Variants in CSMD1 observed in about 807,000 individuals in gnomAD.
CSMD1 encodes CUB and sushi domain-containing protein 1.
CSMD1 carries 213 observed loss-of-function variants against 417.5 expected under a neutral mutation model. That is an observed-to-expected ratio of 0.51 (90% CI 0.46 to 0.57). The LOEUF (loss-of-function observed/expected upper bound fraction) is 0.57. Among genes scored for constraint, CSMD1 ranks in the 20% least tolerant of loss-of-function variants. The pLI is 0.00. For missense variants in CSMD1, 6,923 were observed against 4,529.7 expected (o/e 1.53, Z -15.17); for synonymous variants, 2,862 against 1,736.8 (o/e 1.65, Z -16.11).
intron 3 of CSMD1, among the ~76,000 whole-genome samples, chr8:4,343,468 C>G (rs765017593): frequency 1.3e-5 from 2 of 152,084 alleles, no homozygotes; most frequent in Non-Finnish European, 2.9e-5. Flanking sequence ...TGTTACTTAG[C>G]TTGATCATGG....
intron 3 of CSMD1, among the ~76,000 whole-genome samples, chr8:4,200,216 T>G (rs182073305): frequency 6.6e-6 from 1 of 152,296 alleles, no homozygotes; most frequent in East Asian, 1.9e-4. Flanking sequence ...GTTATGAAAT[T>G]CTGGCCAGCA....
intron 3 of CSMD1, among the ~76,000 whole-genome samples, chr8:4,112,812 T>C (rs187331424): frequency 8.5e-5 from 13 of 152,320 alleles, no homozygotes; most frequent in Non-Finnish European, 1.6e-4. Flanking sequence ...GACATAACTT[T>C]TGTTTATGGC....
intron 50 of CSMD1, among the ~76,000 whole-genome samples, chr8:3,034,620 G>T (rs909364430): frequency 6.6e-6 from 1 of 151,956 alleles, no homozygotes; most frequent in Admixed American, 6.6e-5. Flanking sequence ...AAATGCAAAA[G>T]GTTATAAAAA....
At chr8:3,908,856 G>A (rs145877348) in intron 5 of CSMD1, among the ~76,000 whole-genome samples, 17 of 152,298 alleles carry the variant, frequency 1.1e-4, no homozygotes, top group African/African-American at 3.9e-4. Context: ...CTTCTCAAAT[G>A]TTACTGTGAG....
intron 5 of CSMD1, among the ~76,000 whole-genome samples, chr8:3,783,006 C>G (rs1295896370): frequency 1.3e-5 from 2 of 152,156 alleles, no homozygotes; most frequent in East Asian, 3.9e-4. Context: ...GCACAACGTC[C>G]TATAGCACAT....
chr8:3,683,706 C>G (rs1230753264), intron 7 of CSMD1, among the ~76,000 whole-genome samples: 1 of 152,130 alleles, frequency 6.6e-6, no homozygotes. Flanking sequence ...CAGAAAGAGG[C>G]TCAAGCTCCT....
chr8:3,028,015 C>A (rs563350559), intron 51 of CSMD1, among the ~76,000 whole-genome samples: 3 of 152,286 alleles, frequency 2.0e-5, no homozygotes, highest in South Asian at 2.1e-4. Flanking sequence ...CCATTTGGCA[C>A]GGCCCTGCTC....
At chr8:3,803,165 G>C (rs963163416) in intron 5 of CSMD1, among the ~76,000 whole-genome samples, 1 of 152,110 alleles carries the variant, frequency 6.6e-6, no homozygotes, top group African/African-American at 2.4e-5. Context: ...TAATCATGCT[G>C]AAAGCAATAT....
At position 3,097,230 on chromosome 8, in the gene CSMD1, T is replaced by C. The variant is rs73183520; in HGVS notation, c.6950-193A>G. ...TAATCATGAGAATTGTGCATCTTTC[T>C]CTTTGCAGTTCTCTACACTCAGCCT... is the stretch of plus-strand genomic sequence containing the variant. On this transcript the variant is annotated intron_variant, in intron 46 of 69. Coordinates refer to ENST00000635120, the MANE Select transcript of CSMD1 (RefSeq NM_033225.6). 6.0e-3 allele frequency among the ~76,000 whole-genome samples: 921 copies of C among 152,280 alleles called. 4 individuals carry two copies. The highest frequency in any genetic ancestry group is 9.9e-3 in the Non-Finnish European group (671 of 68,028).
intron 8 of CSMD1, among the ~76,000 whole-genome samples, chr8:3,597,721 CAA>C (rs987534670): frequency 2.6e-4 from 39 of 151,964 alleles, no homozygotes; most frequent in African/African-American, 9.4e-4. Context: ...TCATTCTCAG[CAA>C]AGTAACACAA....
At chr8:3,463,461 G>T (rs982346347) in intron 12 of CSMD1, among the ~76,000 whole-genome samples, 1 of 152,190 alleles carries the variant, frequency 6.6e-6, no homozygotes, top group Non-Finnish European at 1.5e-5. Context: ...GTAAACAAAA[G>T]GTTATTTGAA....
At chr8:3,442,175 C>T (rs939115382) in intron 12 of CSMD1, among the ~76,000 whole-genome samples, 2 of 150,732 alleles carry the variant, frequency 1.3e-5, no homozygotes, top group African/African-American at 4.9e-5. Context: ...AATGTTATAG[C>T]AAAACAATAA....
intron 1 of CSMD1, among the ~76,000 whole-genome samples, chr8:4,710,464 T>TTATATATATATATATA (rs10660998): frequency 1.3e-4 from 19 of 144,842 alleles, no homozygotes; most frequent in African/African-American, 4.8e-4. Flanking sequence ...TAATGGAATA[T>TTATATATATATATATA]TATATATATA....
Position 3,269,589 on chromosome 8 carries a change from G to A in CSMD1, c.4153+14555C>T, listed in dbSNP as rs190781967. On this transcript the variant is annotated intron_variant, in intron 26 of 69. Transcript: ENST00000635120. The stretch of plus-strand genomic sequence containing the variant: ...CACTATTTACGGAGAAATCAATCTC[G>A]CAAAACCTGAGAATGAAACATGGTT... Among the ~76,000 whole-genome samples, 326 of 152,236 alleles carry A rather than the reference G, an allele frequency of 2.1e-3. 7 individuals are homozygous for A. The highest frequency in any genetic ancestry group is 0.019 in the Admixed American group (283 of 15,290).
At chr8:4,768,478 G>A (rs541557668) in intron 1 of CSMD1, among the ~76,000 whole-genome samples, 5 of 152,316 alleles carry the variant, frequency 3.3e-5, no homozygotes, top group Middle Eastern at 3.4e-3. Context: ...TTCTCTTAAA[G>A]GCCTTGGTGC....
chr8:4,512,795 GAGAT>G (rs35434282), intron 2 of CSMD1, among the ~76,000 whole-genome samples: 36,377 of 149,020 alleles, frequency 0.24, 4,959 homozygotes, highest in South Asian at 0.34. Context: ...ACTAAACAAA[GAGAT>G]AGCCCATGTT....
At chr8:4,608,173 G>A (rs957632150) in intron 2 of CSMD1, among the ~76,000 whole-genome samples, 1 of 152,174 alleles carries the variant, frequency 6.6e-6, no homozygotes, top group Non-Finnish European at 1.5e-5. Context: ...AGTCTTTTCA[G>A]GGCAAAGTAA....
chr8:4,145,115 A>G (rs75780964), intron 3 of CSMD1, among the ~76,000 whole-genome samples: 2 of 151,344 alleles, frequency 1.3e-5, no homozygotes, highest in Admixed American at 1.3e-4. Context: ...GAATATAATT[A>G]CATGGCGCAG....
chr8:3,250,819 A>G (rs1159748133), intron 26 of CSMD1, among the ~76,000 whole-genome samples: 1 of 152,130 alleles, frequency 6.6e-6, no homozygotes, highest in Non-Finnish European at 1.5e-5. Flanking sequence ...GCCAGTGATG[A>G]TGAGCATTTT....
Sources: allele counts gnomAD v4.1 joint callset (sites outside exome capture counted in the v4.1 genomes callset), GRCh38; gene constraint gnomAD v4.1.1; transcripts MANE v1.5; gene names NCBI Gene and HGNC (gene_info 2026-07-23, HGNC 2026-07-21).